The following ELAVL3 variants were observed in gnomAD, a reference collection of about 807,000 sequenced individuals.
ELAVL3 encodes the protein ELAV-like protein 3.
Under a neutral mutation model 34.2 loss-of-function variants are expected in ELAVL3, and 8 were observed. The ratio of observed to expected loss-of-function variants is 0.23; its 90% CI spans 0.14 to 0.42. ELAVL3 has a LOEUF of 0.42. ELAVL3 is among the 10% of genes least tolerant of loss of function. ELAVL3 has a pLI of 1.00. For synonymous variants in ELAVL3, 209 were observed against 222.1 expected, an observed-to-expected ratio of 0.94 and a Z score of 0.53; for missense variants, 273 against 518.8, an observed-to-expected ratio of 0.53 and a Z score of 4.60.
In ELAVL3 at chr19:11,462,521, C is replaced by T. The variant is rs920088243; in HGVS notation, c.333+3651G>A. Among the ~76,000 whole-genome samples the T allele has an allele frequency of 2.0e-5, 3 of 151,892 alleles. 1 individual carries two copies. The South Asian group carries it at 6.3e-4, about 32-fold the overall frequency. ...GCGTGGTGGCGGGCGCCTGTAATCC[C>T]AGCTACTCAGGAGGCTGAGGCAGGA... is the stretch of plus-strand genomic sequence containing the variant. On this transcript the variant is annotated intron_variant, in intron 3 of 6. Coordinates refer to ENST00000359227, the MANE Select transcript of ELAVL3 (RefSeq NM_001420.4).
intron 3 of ELAVL3, among the ~76,000 whole-genome samples, chr19:11,462,212 T>C (rs1599534871): frequency 6.9e-6 from 1 of 145,524 alleles, no homozygotes; most frequent in East Asian, 2.0e-4. Context: ...AGTTTAAAAA[T>C]GAACAAAATA....
Position 11,454,457 on chromosome 19 carries a change from C to G in ELAVL3, c.*69G>C. The stretch of plus-strand genomic sequence containing the variant: ...TGTCTCTCTTGGGCCCCTTCTCTCT[C>G]TCTCTCTCTCTTTCTCTCTCTCTCT... On this transcript the variant is annotated 3_prime_UTR_variant, in exon 7 of 7. Transcript: ENST00000359227. This position sits in a 1 kb window ranked among gnomAD's most constrained non-coding sequence, Gnocchi z 9.2. 1 of 1,386,948 alleles carries G rather than the reference C, an allele frequency of 7.2e-7. No homozygotes were observed. Among genetic ancestry groups the G allele is most frequent in the Non-Finnish European group, 9.6e-7 (1 of 1,042,116 alleles). The allele number at this position is 1,386,948 out of a possible 1,614,324, so 85.9% of individuals were successfully genotyped here.
intron 1 of ELAVL3, among the ~76,000 whole-genome samples, chr19:11,476,877 C>A (rs903374773): frequency 6.7e-6 from 1 of 150,368 alleles, no homozygotes; most frequent in Non-Finnish European, 1.5e-5. Flanking sequence ...CTAGCCTGGG[C>A]GACAGAGAAA....
rs1599542719 is a variant in ELAVL3, at chr19:11,466,862, G to T, written c.10-35C>A. On this transcript the variant is annotated intron_variant, in intron 1 of 6. Transcript: ENST00000359227. This position sits in a 1 kb window ranked among gnomAD's most constrained non-coding sequence, Gnocchi z 5.0. ...ACAGGTCGCATCCGCTCACCGCCCA[G>T]TCCCCACACCAGGGGCCTGCGGCAA... The T allele has an allele frequency of 6.5e-7, 1 of 1,543,396 alleles. No homozygotes were observed. The highest frequency in any genetic ancestry group is 8.8e-7 in the Non-Finnish European group (1 of 1,136,744).
At chr19:11,461,371 G>C (rs1471067254) in intron 3 of ELAVL3, among the ~76,000 whole-genome samples, 1 of 152,074 alleles carries the variant, frequency 6.6e-6, no homozygotes, top group Non-Finnish European at 1.5e-5. Context: ...ATGCTCAGTG[G>C]GTGACCTGTC....
At chr19:11,461,991 T>C (rs796532999) in intron 3 of ELAVL3, among the ~76,000 whole-genome samples, 13 of 151,932 alleles carry the variant, frequency 8.6e-5, no homozygotes, top group African/African-American at 2.2e-4. Context: ...CTAGCTAACA[T>C]GGTGAAACCC....
chr19:11,454,338 C>G lies in ELAVL3; in HGVS notation c.*188G>C, dbSNP rs200375391. The G allele has an allele frequency of 8.2e-6, 5 of 612,418 alleles. No individual in the cohort carries two copies. In the Admixed American group the frequency reaches 1.5e-4, roughly 19 times the overall value. The allele number at this position is 612,418 out of a possible 1,614,324, so 37.9% of individuals were successfully genotyped here. A position where few individuals can be genotyped will look rare whatever the true frequency, so the allele number is the denominator to read the frequency against. Reference sequence around the variant, plus strand: ...GGGCGGGGGATCCCCGGGCACCCCCCCAATTCCCTGCAGACCCTCCCACCC... The same window carrying G: ...GGGCGGGGGATCCCCGGGCACCCCCGCAATTCCCTGCAGACCCTCCCACCC... On this transcript the variant is annotated 3_prime_UTR_variant, in exon 7 of 7. Coordinates refer to ENST00000359227, the MANE Select transcript of ELAVL3 (RefSeq NM_001420.4). This position sits in a 1 kb window ranked among gnomAD's most constrained non-coding sequence, Gnocchi z 9.2.
intron 1 of ELAVL3, among the ~76,000 whole-genome samples, chr19:11,475,377 C>T (rs184154254): frequency 2.0e-5 from 3 of 152,240 alleles, no homozygotes; most frequent in Admixed American, 2.0e-4. Flanking sequence ...GCTATGTTGC[C>T]CAGGCTGACC....
chr19:11,468,440 A>G (rs1050824357), intron 1 of ELAVL3, among the ~76,000 whole-genome samples: 17 of 145,680 alleles, frequency 1.2e-4, no homozygotes, highest in African/African-American at 4.1e-4. Context: ...TTAAAGACAG[A>G]GTCTCCCTCT....
At chr19:11,470,474 C>T (rs548549208) in intron 1 of ELAVL3, among the ~76,000 whole-genome samples, 4 of 150,688 alleles carry the variant, frequency 2.7e-5, no homozygotes, top group South Asian at 2.1e-4. Context: ...GAGACCAGCC[C>T]GACCAACATG....
Position 11,467,197 on chromosome 19 carries a change from C to T in ELAVL3, c.10-370G>A, listed in dbSNP as rs369977012. Among the ~76,000 whole-genome samples, 15 of 151,930 alleles carry T rather than the reference C, an allele frequency of 9.9e-5. 1 individual carries two copies. The East Asian group carries it at 1.6e-3, about 16-fold the overall frequency. On this transcript the variant is annotated intron_variant, in intron 1 of 6. Coordinates refer to ENST00000359227, the MANE Select transcript of ELAVL3 (RefSeq NM_001420.4). ...CAGCACTTTGGGAAGCTGAGGCGGG[C>T]GGATCACCTGAGGTCGGGAGTTCGA...
At chr19:11,468,322 A>C (rs1971097016) in intron 1 of ELAVL3, among the ~76,000 whole-genome samples, 1 of 151,782 alleles carries the variant, frequency 6.6e-6, no homozygotes, top group Non-Finnish European at 1.5e-5. Context: ...AAATAATGAC[A>C]ATTTTATTTT....
chr19:11,479,243 G>C (rs939057488), intron 1 of ELAVL3, among the ~76,000 whole-genome samples: 2 of 152,180 alleles, frequency 1.3e-5, no homozygotes, highest in African/African-American at 4.8e-5. Context: ...AGAGGGAAAG[G>C]AACGGCCTGA....
chr19:11,458,761 G>T lies in ELAVL3; in HGVS notation c.334-150C>A. Reference sequence around the variant, plus strand: ...CTCTAGAGTTGTCACCGTGGGGTGGGGCTGAGTCAGATATGGGAGAGGGGA... The same window carrying T: ...CTCTAGAGTTGTCACCGTGGGGTGGTGCTGAGTCAGATATGGGAGAGGGGA... On this transcript the variant is annotated intron_variant, in intron 3 of 6. Transcript: ENST00000359227. The surrounding 1 kb of genome is among the most constrained non-coding windows in gnomAD (Gnocchi z 7.3). The T allele has an allele frequency of 9.4e-7, 1 of 1,059,682 alleles. No homozygotes were observed. Among genetic ancestry groups the T allele is most frequent in the Non-Finnish European group, 1.4e-6 (1 of 738,194 alleles). 65.6% of individuals were successfully genotyped at this position (1,059,682 alleles called of 1,614,324 possible).
In ELAVL3 at chr19:11,458,297, G is replaced by T; in HGVS notation, c.488-11C>A. 6.2e-7 allele frequency: 1 copy of T among 1,612,722 alleles called. No homozygotes were observed. The highest frequency in any genetic ancestry group is 8.5e-7 in the Non-Finnish European group (1 of 1,179,406). On this transcript the variant is annotated splice_polypyrimidine_tract_variant and intron_variant, in intron 4 of 6. Coordinates refer to ENST00000359227, the MANE Select transcript of ELAVL3 (RefSeq NM_001420.4). The surrounding 1 kb of genome is among the most constrained non-coding windows in gnomAD (Gnocchi z 7.3). The stretch of plus-strand genomic sequence containing the variant: ...CACCCCGAGAGACACCTGCCAGGGG[G>T]CAGGGATGTCCATCACGACGACCCT...
chr19:11,465,204 A>G (rs953000140), intron 3 of ELAVL3, among the ~76,000 whole-genome samples: 4 of 139,672 alleles, frequency 2.9e-5, no homozygotes, highest in African/African-American at 1.1e-4. Context: ...TACACGCCAC[A>G]CACATACACA....
At chr19:11,471,480 GCACA>G in intron 1 of ELAVL3, among the ~76,000 whole-genome samples, 1 of 151,818 alleles carries the variant, frequency 6.6e-6, no homozygotes, top group Non-Finnish European at 1.5e-5. Context: ...GGGCGTGGTG[GCACA>G]CGCCTGTAAT....
intron 1 of ELAVL3, among the ~76,000 whole-genome samples, chr19:11,477,742 G>A (rs1393683553): frequency 1.3e-5 from 2 of 149,872 alleles, no homozygotes; most frequent in African/African-American, 2.5e-5. Context: ...GCCCAGCCTG[G>A]AGTGCAATGG....
intron 3 of ELAVL3, among the ~76,000 whole-genome samples, chr19:11,464,874 CAT>C (rs1373047727): frequency 8.6e-6 from 1 of 115,764 alleles, no homozygotes. Flanking sequence ...ACCACACACA[CAT>C]ACACACATAC....
Sources: allele counts gnomAD v4.1 joint callset (sites outside exome capture counted in the v4.1 genomes callset), GRCh38; gene constraint gnomAD v4.1.1; non-coding constraint Gnocchi (gnomAD v3.1); transcripts MANE v1.5; gene names NCBI Gene and HGNC (gene_info 2026-07-23, HGNC 2026-07-21).